Variants in COL12A1 observed in about 807,000 individuals in gnomAD.
COL12A1 encodes collagen alpha-1(XII) chain.
COL12A1 carries 114 observed loss-of-function variants against 349.7 expected under a neutral mutation model. The observed-to-expected ratio is 0.33, with a 90% CI of 0.28 to 0.38. COL12A1 has a LOEUF of 0.38. Ranked by LOEUF, COL12A1 falls within the 10% of genes least tolerant of loss-of-function variation. The pLI is 1.00. For missense variants in COL12A1, 3,284 were observed against 3,756.9 expected, an observed-to-expected ratio of 0.87 and a Z score of 3.29; for synonymous variants, 1,369 against 1,329.0, an observed-to-expected ratio of 1.03 and a Z score of -0.66.
rs776633189 is a variant in COL12A1 at position 75,183,275 on chromosome 6, C to A, written c.1666G>T (p.Ala556Ser). The A allele has an allele frequency of 6.8e-6, 11 of 1,614,088 alleles. No homozygotes were observed. In the Admixed American group the frequency reaches 8.3e-5, roughly 12 times the overall value. ...ILITDGKSSD[A>S]FRDPAIKLRN... Reference sequence around the variant, plus strand: ...AGTTTTATCGCAGGATCTCTGAAAGCATCTGATGATTTCCCATCCGTGATA... The same window carrying A: ...AGTTTTATCGCAGGATCTCTGAAAGAATCTGATGATTTCCCATCCGTGATA... Residue 556 changes from alanine to serine, a missense_variant, in exon 10 of 66, where the codon GCT becomes TCT. Transcript: ENST00000322507.
At chr6:75,142,554 A>G (rs1188581090) in intron 26 of COL12A1, among the ~76,000 whole-genome samples, 1 of 152,236 alleles carries the variant, frequency 6.6e-6, no homozygotes, top group African/African-American at 2.4e-5. Context: ...TTTAAATGGA[A>G]ATGCAGAATG....
intron 24 of COL12A1, among the ~76,000 whole-genome samples, chr6:75,145,693 T>C (rs1767146322): frequency 1.3e-5 from 2 of 150,636 alleles, no homozygotes; most frequent in African/African-American, 4.9e-5. Flanking sequence ...GTGCAGTGGC[T>C]CAATCTCAAC....
chr6:75,119,235 C>A (rs1254839274), intron 45 of COL12A1, 49 bp from the exon 46 acceptor site: 4 of 1,612,968 alleles, frequency 2.5e-6, no homozygotes, highest in Admixed American at 3.3e-5. Context: ...GTGAAAACTA[C>A]CCAAATGCCA....
At chr6:75,145,201 CA>C in intron 25 of COL12A1, 124 bp downstream of exon 25, 1 of 1,003,148 alleles carries the variant, frequency 1.0e-6, no homozygotes, top group African/African-American at 1.7e-5. Flanking sequence ...ATTTGATTGT[CA>C]AAAGTAATAA....
At chr6:75,140,124 C>G (rs926476714) in intron 27 of COL12A1, among the ~76,000 whole-genome samples, 2 of 152,134 alleles carry the variant, frequency 1.3e-5, no homozygotes, top group African/African-American at 4.8e-5. Flanking sequence ...ATCTACTATA[C>G]TGAATTACCT....
At chr6:75,153,442 A>G (rs1313017118) in intron 17 of COL12A1, among the ~76,000 whole-genome samples, 1 of 152,122 alleles carries the variant, frequency 6.6e-6, no homozygotes, top group East Asian at 1.9e-4. Context: ...TTTTGTCCAC[A>G]TCCATTTTTT....
At chr6:75,176,111 A>G (rs577799833) in intron 12 of COL12A1, among the ~76,000 whole-genome samples, 13 of 152,346 alleles carry the variant, frequency 8.5e-5, no homozygotes, top group African/African-American at 3.1e-4. Context: ...CACTTCACCA[A>G]TGGAAGAGAG....
chr6:75,151,389 C>T, intron 20 of COL12A1, 102 bp from the exon 21 acceptor site: 1 of 1,056,632 alleles, frequency 9.5e-7, no homozygotes. Context: ...CTGCTTTTGG[C>T]CAACTATGAA....
At chr6:75,171,484 AAAC>A (rs1228066184) in intron 13 of COL12A1, among the ~76,000 whole-genome samples, 4 of 152,204 alleles carry the variant, frequency 2.6e-5, no homozygotes, top group African/African-American at 9.6e-5. Context: ...TCAAAATACA[AAAC>A]AACAACAACT....
chr6:75,163,947 T>C (rs572729840), intron 14 of COL12A1, among the ~76,000 whole-genome samples: 2 of 152,336 alleles, frequency 1.3e-5, no homozygotes, highest in South Asian at 2.1e-4. Context: ...TTTTGTAATT[T>C]CTCAGCCACA....
Position 75,084,985 on chromosome 6 carries a change from G to C in COL12A1, c.*1562C>G. 6.9e-6 allele frequency: 2 copies of C among 291,488 alleles called. No homozygotes were observed. Among genetic ancestry groups the C allele is most frequent in the South Asian group, 6.4e-5 (2 of 31,194 alleles). The allele number at this position is 291,488 out of a possible 1,614,324, so 18.1% of individuals were successfully genotyped here. A position where few individuals can be genotyped will look rare whatever the true frequency, so the allele number is the denominator to read the frequency against. ...ACAAAGTATTTTGCAAGCATTTCAA[G>C]GGCAAAGGCAAAAATGTCTACAGAC... On this transcript the variant is annotated 3_prime_UTR_variant, in exon 66 of 66. Coordinates refer to ENST00000322507, the MANE Select transcript of COL12A1 (RefSeq NM_004370.6).
chr6:75,200,086 C>T lies in COL12A1; in HGVS notation c.73+2634G>A, dbSNP rs150118957. Among the ~76,000 whole-genome samples the T allele has an allele frequency of 6.9e-3, 1,048 of 152,108 alleles. 9 individuals are homozygous for T. The highest frequency in any genetic ancestry group is 0.024 in the African/African-American group (1,006 of 41,476). ...AAATGGCATGGTACCAAATGGAGTC[C>T]CAAGTTGAAATTTTGAAATGCCCCC... On this transcript the variant is annotated intron_variant, in intron 2 of 65. Coordinates refer to ENST00000322507, the MANE Select transcript of COL12A1 (RefSeq NM_004370.6).
rs929441291 is a variant in COL12A1 at position 75,084,664 on chromosome 6, T to G, written c.*1883A>C. On this transcript the variant is annotated 3_prime_UTR_variant, in exon 66 of 66. Coordinates refer to ENST00000322507, the MANE Select transcript of COL12A1 (RefSeq NM_004370.6). ...ATCTACATGGCTTAAGGTTTGTGGT[T>G]GTTAAAGAGATGTATACGAGCATTC... 3 of 153,936 alleles carry G rather than the reference T, an allele frequency of 1.9e-5. No homozygotes were observed. The highest frequency in any genetic ancestry group is 2.9e-5 in the Non-Finnish European group (2 of 68,888). The allele number at this position is 153,936 out of a possible 1,614,324, so 9.5% of individuals were successfully genotyped here. A position where few individuals can be genotyped will look rare whatever the true frequency, so the allele number is the denominator to read the frequency against.
At position 75,130,199 on chromosome 6, in the gene COL12A1, A is replaced by T. The variant is rs2149382623; in HGVS notation, c.6102T>A (p.Phe2034Leu). ...CCGAGAGGCTATTGGTTGTTTCACC[A>T]AAGACTCTCAGGTTCCTTGGTCCAC... ...PRSGPRNLRV[F>L]GETTNSLSVA... Residue 2034 changes from phenylalanine to leucine, a missense_variant, in exon 37 of 66, where the codon TTT (phenylalanine) becomes TTA (leucine). Physicochemically the swap from Phe to Leu is conservative, Grantham distance 22. Coordinates refer to ENST00000322507, the MANE Select transcript of COL12A1 (RefSeq NM_004370.6). 1 of 1,613,904 alleles carries T rather than the reference A, an allele frequency of 6.2e-7. No individual in the cohort carries two copies. Among genetic ancestry groups the T allele is most frequent in the African/African-American group, 1.3e-5 (1 of 74,888 alleles).
intron 5 of COL12A1, among the ~76,000 whole-genome samples, chr6:75,191,444 G>A (rs1769925763): frequency 6.6e-6 from 1 of 151,724 alleles, no homozygotes; most frequent in Non-Finnish European, 1.5e-5. Flanking sequence ...GGAAAGGTTG[G>A]ACACACACAA....
chr6:75,183,559 G>A lies in COL12A1; in HGVS notation c.1382C>T (p.Ala461Val). The A allele has an allele frequency of 6.2e-7, 1 of 1,613,982 alleles. No individual in the cohort carries two copies. Among genetic ancestry groups the A allele is most frequent in the Non-Finnish European group, 8.5e-7 (1 of 1,180,008 alleles). ...IGIANFVKVR[A>V]FLEVLVKSFE... The stretch of plus-strand genomic sequence containing the variant: ...ACTTTTTACAAGAACTTCCAAAAAG[G>A]CTCTAACTTTAACAAAGTTTGCAAT... Residue 461 changes from alanine to valine, a missense_variant, in exon 10 of 66, where the codon GCC (alanine) becomes GTC (valine). Ala to Val is a moderately conservative substitution (Grantham distance 64). This residue lies in a region of COL12A1 where 2,601 missense variants were observed against 2,824.8 expected (regional missense o/e 0.92). Coordinates refer to ENST00000322507, the MANE Select transcript of COL12A1 (RefSeq NM_004370.6).
chr6:75,176,031 G>A (rs1285563167), intron 12 of COL12A1, among the ~76,000 whole-genome samples: 1 of 152,144 alleles, frequency 6.6e-6, no homozygotes, highest in Admixed American at 6.5e-5. Flanking sequence ...AGAGGTATTG[G>A]GTCACATTAT....
intron 35 of COL12A1, among the ~76,000 whole-genome samples, 196 bp from the exon 36 acceptor site, chr6:75,131,177 A>T (rs938927563): frequency 1.3e-5 from 2 of 152,174 alleles, no homozygotes; most frequent in Non-Finnish European, 2.9e-5. Context: ...TTTCCAAAAA[A>T]GTGACCTCAT....
In COL12A1 at chr6:75,090,970, A is replaced by G. The variant is rs1196707779; in HGVS notation, c.8752+353T>C. ...TAAGAAGAGCCTGTGAAAAACAGGCAAGAGAGAGTTTCCTACCAAAATCAA... is the reference window on the plus strand; with the variant it reads ...TAAGAAGAGCCTGTGAAAAACAGGCGAGAGAGAGTTTCCTACCAAAATCAA... On this transcript the variant is annotated intron_variant, in intron 62 of 65. Coordinates refer to ENST00000322507, the MANE Select transcript of COL12A1 (RefSeq NM_004370.6). This position sits in a 1 kb window ranked among gnomAD's most constrained non-coding sequence, Gnocchi z 4.1. 6.6e-6 allele frequency among the ~76,000 whole-genome samples: 1 copy of G among 152,204 alleles called. No homozygotes were observed. Among genetic ancestry groups the G allele is most frequent in the African/African-American group, 2.4e-5 (1 of 41,456 alleles).
Sources: gnomAD v4.1 joint callset for allele counts (sites outside exome capture counted in the v4.1 genomes callset) on GRCh38, gnomAD v4.1.1 for gene constraint, gnomAD v4.1.1 regional missense constraint, Gnocchi (gnomAD v3.1) non-coding constraint, MANE v1.5 for transcripts, NCBI Gene and HGNC (gene_info 2026-07-23, HGNC 2026-07-21) for gene names.